CNOT6L: variants seen among roughly 807,000 people sequenced by gnomAD.
CNOT6L encodes the protein CCR4-NOT transcription complex subunit 6-like.
In CNOT6L, 7 loss-of-function variants were observed where a neutral mutation model predicts 64.0. The ratio of observed to expected loss-of-function variants is 0.11; its 90% CI spans 0.06 to 0.21. CNOT6L has a LOEUF of 0.21. CNOT6L is among the 10% of genes least tolerant of loss of function. CNOT6L has a pLI of 1.00. For missense variants in CNOT6L, 245 were observed against 669.0 expected, an observed-to-expected ratio of 0.37 and a Z score of 6.99; for synonymous variants, 193 against 243.4, an observed-to-expected ratio of 0.79 and a Z score of 1.93.
At chr4:77,741,518 C>T (rs1354138976) in intron 8 of CNOT6L, among the ~76,000 whole-genome samples, 1 of 152,134 alleles carries the variant, frequency 6.6e-6, no homozygotes, top group Non-Finnish European at 1.5e-5. Flanking sequence ...AACTCTCTAC[C>T]TCCATATGCT....
At chr4:77,817,220 T>C (rs1242400945) in intron 1 of CNOT6L, among the ~76,000 whole-genome samples, 3 of 151,708 alleles carry the variant, frequency 2.0e-5, no homozygotes, top group African/African-American at 2.4e-5. Flanking sequence ...TTTGAAAATA[T>C]GAAAAAAAAA....
intron 4 of CNOT6L, among the ~76,000 whole-genome samples, chr4:77,762,739 A>G (rs1028741302): frequency 6.6e-6 from 1 of 152,172 alleles, no homozygotes; most frequent in Non-Finnish European, 1.5e-5. Flanking sequence ...AAGGTGACAT[A>G]CTGTATGTTC....
intron 2 of CNOT6L, among the ~76,000 whole-genome samples, chr4:77,775,501 G>C (rs189296120): frequency 7.3e-4 from 111 of 152,160 alleles, no homozygotes; most frequent in Non-Finnish European, 1.0e-4. Context: ...CCCTCCTTCA[G>C]CTTCCCTAAC....
chr4:77,819,542 C>G, upstream of CNOT6L: 1 of 600,552 alleles, frequency 1.7e-6, no homozygotes, highest in South Asian at 2.4e-5. Context: ...GGCGGGCGCG[C>G]AGGGAACCCG....
At chr4:77,766,851 G>A (rs1308636493) in intron 4 of CNOT6L, among the ~76,000 whole-genome samples, 5 of 151,536 alleles carry the variant, frequency 3.3e-5, no homozygotes, top group Non-Finnish European at 7.4e-5. Context: ...ATCACCAGAC[G>A]TCAGGAATTT....
chr4:77,744,234 G>A (rs905485760), intron 7 of CNOT6L, among the ~76,000 whole-genome samples: 1 of 151,722 alleles, frequency 6.6e-6, no homozygotes, highest in African/African-American at 2.4e-5. Flanking sequence ...CTATAAAACA[G>A]AAGAATCTAA....
intron 1 of CNOT6L, among the ~76,000 whole-genome samples, chr4:77,818,660 G>A (rs1489549675): frequency 2.6e-5 from 4 of 152,114 alleles, no homozygotes; most frequent in Non-Finnish European, 5.9e-5. Context: ...ATAAGCCTTC[G>A]CCTCTCAGGA....
At chr4:77,764,260 A>G (rs1233757076) in intron 4 of CNOT6L, among the ~76,000 whole-genome samples, 2 of 152,238 alleles carry the variant, frequency 1.3e-5, no homozygotes, top group Non-Finnish European at 2.9e-5. Context: ...GAATATATAG[A>G]TAATTATATA....
intron 1 of CNOT6L, among the ~76,000 whole-genome samples, chr4:77,784,569 A>C (rs1046210208): frequency 6.7e-6 from 1 of 150,212 alleles, no homozygotes; most frequent in Non-Finnish European, 1.5e-5. Flanking sequence ...GTGCAGCCTC[A>C]ACCTCCTGGG....
At chr4:77,798,957 T>A (rs1731189161) in intron 1 of CNOT6L, among the ~76,000 whole-genome samples, 1 of 151,876 alleles carries the variant, frequency 6.6e-6, no homozygotes, top group Non-Finnish European at 1.5e-5. Flanking sequence ...CCAGCCTGAG[T>A]GAAGGAGCAA....
At chr4:77,774,331 A>C (rs1462646449) in intron 3 of CNOT6L, among the ~76,000 whole-genome samples, 199 bp downstream of exon 3, 2 of 152,168 alleles carry the variant, frequency 1.3e-5, no homozygotes, top group Admixed American at 1.3e-4. Context: ...TGGTAATACA[A>C]GCACACTCTA....
At chr4:77,818,955 C>T in intron 1 of CNOT6L, 1 of 655,704 alleles carries the variant, frequency 1.5e-6, no homozygotes, top group Non-Finnish European at 2.8e-6. Context: ...CCGGCCGGCC[C>T]CCTAGGAGCA....
chr4:77,791,094 A>G (rs1730096337), intron 1 of CNOT6L, among the ~76,000 whole-genome samples: 1 of 152,048 alleles, frequency 6.6e-6, no homozygotes, highest in Non-Finnish European at 1.5e-5. Flanking sequence ...ACTGACCAAC[A>G]TCATGAAACA....
intron 11 of CNOT6L, among the ~76,000 whole-genome samples, chr4:77,723,005 TGCTAA>T (rs1311797518): frequency 2.0e-5 from 3 of 152,206 alleles, no homozygotes; most frequent in African/African-American, 7.2e-5. Context: ...GTTACCACTA[TGCTAA>T]GCTTTTTTAA....
At chr4:77,742,341 C>T in intron 7 of CNOT6L, 46 bp from the exon 8 acceptor site, 3 of 1,514,082 alleles carry the variant, frequency 2.0e-6, no homozygotes, top group Admixed American at 1.9e-5. Flanking sequence ...AGGGAAAATG[C>T]TGATTAAGAT....
At chr4:77,745,469 A>G (rs1463629256) in intron 6 of CNOT6L, among the ~76,000 whole-genome samples, 1 of 152,202 alleles carries the variant, frequency 6.6e-6, no homozygotes, top group Non-Finnish European at 1.5e-5. Context: ...CTTGCTACTC[A>G]AAACTGTGCT....
intron 4 of CNOT6L, among the ~76,000 whole-genome samples, chr4:77,768,254 C>G (rs960904625): frequency 2.0e-5 from 3 of 151,770 alleles, no homozygotes; most frequent in African/African-American, 7.3e-5. Context: ...CACCTGAGGT[C>G]AGGAGTTCGA....
chr4:77,747,412 C>T (rs1724320187), intron 6 of CNOT6L, among the ~76,000 whole-genome samples: 1 of 152,186 alleles, frequency 6.6e-6, no homozygotes, highest in Non-Finnish European at 1.5e-5. Flanking sequence ...AACAGATCTG[C>T]CCGCCTTGGC....
intron 2 of CNOT6L, 106 bp downstream of exon 2, chr4:77,776,165 T>A (rs1728118324): frequency 9.0e-7 from 1 of 1,114,068 alleles, no homozygotes; most frequent in Non-Finnish European, 1.3e-6. Flanking sequence ...TTGTAGTTTT[T>A]CAATGAGTCC....
Sources: allele counts gnomAD v4.1 joint callset (sites outside exome capture counted in the v4.1 genomes callset), GRCh38; gene constraint gnomAD v4.1.1; transcripts MANE v1.5; gene names NCBI Gene and HGNC (gene_info 2026-07-23, HGNC 2026-07-21).